The following SLC39A11 variants were observed in gnomAD, a reference collection of about 807,000 sequenced individuals.
SLC39A11 encodes the protein zinc transporter ZIP11.
A neutral mutation model predicts 36.1 loss-of-function variants in SLC39A11; 33 were observed. That is an observed-to-expected ratio of 0.91 (90% CI 0.69 to 1.22). The LOEUF (loss-of-function observed/expected upper bound fraction) is 1.22, where lower values mean the gene tolerates loss of function less well. SLC39A11 is among the 50% of genes most tolerant of loss of function. SLC39A11 has a pLI of 0.00. For missense variants in SLC39A11, 432 were observed against 430.3 expected, an observed-to-expected ratio of 1.00 and a Z score of -0.03; for synonymous variants, 166 against 170.3, an observed-to-expected ratio of 0.97 and a Z score of 0.20.
chr17:73,056,420 C>T (rs1189022814), intron 3 of SLC39A11, among the ~76,000 whole-genome samples: 3 of 152,102 alleles, frequency 2.0e-5, no homozygotes, highest in Admixed American at 6.6e-5. Context: ...CCACCCGCCT[C>T]GGCCTCCCAA....
At position 72,647,565 on chromosome 17, in the gene SLC39A11, G is replaced by C. The variant is rs766700697; in HGVS notation, c.*19C>G. On this transcript the variant is annotated 3_prime_UTR_variant, in exon 10 of 10. Coordinates refer to ENST00000255559, the MANE Select transcript of SLC39A11 (RefSeq NM_139177.4). ...TGTTTCTTCGTATGGCCTTTCCCGG[G>C]GTCCGAAGCGTCTCAGCCCTAGCCC... 1.9e-6 allele frequency: 3 copies of C among 1,610,200 alleles called. No individual in the cohort carries two copies. In the Admixed American group the frequency reaches 5.0e-5, roughly 27 times the overall value.
At chr17:72,999,809 C>T (rs1374250339) in intron 4 of SLC39A11, among the ~76,000 whole-genome samples, 1 of 152,154 alleles carries the variant, frequency 6.6e-6, no homozygotes, top group Admixed American at 6.5e-5. Context: ...GGTGCGATCT[C>T]AGCTCACTGC....
intron 4 of SLC39A11, among the ~76,000 whole-genome samples, chr17:72,949,950 G>GACAC (rs67207508): frequency 5.4e-4 from 79 of 146,250 alleles, no homozygotes; most frequent in African/African-American, 1.4e-3. Context: ...AGGCTGCTGT[G>GACAC]ACACACACAC....
intron 5 of SLC39A11, among the ~76,000 whole-genome samples, chr17:72,893,506 T>C (rs1376757090): frequency 1.3e-5 from 2 of 152,152 alleles, no homozygotes; most frequent in Non-Finnish European, 2.9e-5. Flanking sequence ...AAGCTCAATA[T>C]AGCAGTGAGT....
intron 7 of SLC39A11, among the ~76,000 whole-genome samples, chr17:72,659,167 T>C (rs2070292776): frequency 6.6e-6 from 1 of 152,082 alleles, no homozygotes; most frequent in African/African-American, 2.4e-5. Flanking sequence ...AGAAAGACAT[T>C]TGGAAGGTCC....
chr17:72,949,151 T>G (rs1326069421), intron 4 of SLC39A11, among the ~76,000 whole-genome samples: 95 of 87,088 alleles, frequency 1.1e-3, no homozygotes, highest in African/African-American at 0.01. Context: ...CAGCTTTTTT[T>G]TTTTTTTTTT....
chr17:72,721,815 C>G (rs7216035), intron 7 of SLC39A11, among the ~76,000 whole-genome samples: 1 of 151,828 alleles, frequency 6.6e-6, no homozygotes, highest in Non-Finnish European at 1.5e-5. Context: ...ACTAAAAATA[C>G]AAAAATTAGC....
chr17:72,961,734 G>A (rs532492135), intron 4 of SLC39A11, among the ~76,000 whole-genome samples: 20 of 151,582 alleles, frequency 1.3e-4, no homozygotes, highest in Non-Finnish European at 2.2e-4. Flanking sequence ...ACTGGGGCCT[G>A]TCAGGAGGTG....
intron 6 of SLC39A11, among the ~76,000 whole-genome samples, chr17:72,806,728 G>A (rs779418955): frequency 3.4e-4 from 51 of 152,192 alleles, no homozygotes; most frequent in Admixed American, 5.2e-4. Context: ...GATTACAGGC[G>A]CCCGTCACCA....
intron 7 of SLC39A11, among the ~76,000 whole-genome samples, chr17:72,671,901 G>A (rs2071038289): frequency 1.3e-5 from 2 of 151,956 alleles, no homozygotes; most frequent in African/African-American, 4.8e-5. Context: ...TTGGTGAAAG[G>A]GTAAAATTTT....
intron 4 of SLC39A11, among the ~76,000 whole-genome samples, chr17:73,003,912 C>A (rs578164745): frequency 6.6e-6 from 1 of 151,894 alleles, no homozygotes. Context: ...ATGGTGAAAC[C>A]CCGTCTCTAC....
chr17:72,998,161 G>C (rs937734796), intron 4 of SLC39A11, among the ~76,000 whole-genome samples: 1 of 152,156 alleles, frequency 6.6e-6, no homozygotes, highest in Non-Finnish European at 1.5e-5. Flanking sequence ...CCTCAGGTTC[G>C]ATACTATCCA....
At chr17:73,009,913 G>T (rs541616250) in intron 4 of SLC39A11, among the ~76,000 whole-genome samples, 3 of 146,378 alleles carry the variant, frequency 2.0e-5, no homozygotes, top group East Asian at 2.2e-4. Context: ...ACAGGCCCCA[G>T]TGTGTGATGT....
intron 6 of SLC39A11, among the ~76,000 whole-genome samples, chr17:72,839,914 G>A (rs933154498): frequency 1.3e-5 from 2 of 152,178 alleles, no homozygotes; most frequent in Non-Finnish European, 2.9e-5. Flanking sequence ...AGACATTAAC[G>A]TTTAATGTGG....
At position 72,697,813 on chromosome 17, in the gene SLC39A11, G is replaced by A. The variant is rs560627406; in HGVS notation, c.671+38837C>T. Among the ~76,000 whole-genome samples, 4 of 147,932 alleles carry A rather than the reference G, an allele frequency of 2.7e-5. No homozygotes were observed. The East Asian group carries it at 6.0e-4, about 22-fold the overall frequency. On this transcript the variant is annotated intron_variant, in intron 7 of 9. Transcript: ENST00000255559. ...TATGTCTGATTTGACTGATACACTC[G>A]CCACGTGGATGGGCTCAGGAAGGAT...
chr17:72,787,632 T>C (rs144042349), intron 6 of SLC39A11, among the ~76,000 whole-genome samples: 19 of 152,284 alleles, frequency 1.2e-4, no homozygotes, highest in Non-Finnish European at 2.8e-4. Context: ...TCTTCAACTT[T>C]TTCTTTCTAA....
chr17:72,960,123 A>G (rs1214408632), intron 4 of SLC39A11, among the ~76,000 whole-genome samples: 3 of 152,182 alleles, frequency 2.0e-5, no homozygotes, highest in Non-Finnish European at 4.4e-5. Flanking sequence ...GTTTAATGCA[A>G]TTCTATTCTG....
At chr17:72,991,792 T>C (rs527930101) in intron 4 of SLC39A11, among the ~76,000 whole-genome samples, 1 of 152,388 alleles carries the variant, frequency 6.6e-6, no homozygotes, top group Non-Finnish European at 1.5e-5. Context: ...AATGCTGCAA[T>C]GAACATTCTC....
chr17:72,729,455 A>ATT (rs2074122456), intron 7 of SLC39A11, among the ~76,000 whole-genome samples: 1 of 6,616 alleles, frequency 1.5e-4, no homozygotes, highest in East Asian at 4.2e-3. Context: ...ATATATATAT[A>ATT]TATTTTTTTT....
Sources: gnomAD v4.1 joint callset for allele counts (sites outside exome capture counted in the v4.1 genomes callset) on GRCh38, gnomAD v4.1.1 for gene constraint, MANE v1.5 for transcripts, NCBI Gene and HGNC (gene_info 2026-07-23, HGNC 2026-07-21) for gene names.